The following KAZN variants were observed in gnomAD, a reference collection of about 807,000 sequenced individuals.
KAZN encodes the protein kazrin, periplakin interacting protein.
In KAZN, 40 loss-of-function variants were observed where a neutral mutation model predicts 87.4. The observed-to-expected ratio is 0.46, with a 90% CI of 0.36 to 0.60. The LOEUF (loss-of-function observed/expected upper bound fraction) is 0.60. KAZN is among the 20% of genes least tolerant of loss of function. The pLI is 0.00. For synonymous variants in KAZN, 466 were observed against 458.3 expected, an observed-to-expected ratio of 1.02 and a Z score of -0.22; for missense variants, 898 against 1,073.9, an observed-to-expected ratio of 0.84 and a Z score of 2.29.
At chr1:14,848,118 A>T (rs1572639229) in intron 1 of KAZN, among the ~76,000 whole-genome samples, 1 of 152,210 alleles carries the variant, frequency 6.6e-6, no homozygotes, top group South Asian at 2.1e-4. Context: ...CCCACCTTGG[A>T]TGTGTTCCTT....
intron 2 of KAZN, among the ~76,000 whole-genome samples, chr1:14,291,958 T>A (rs1248421436): frequency 6.6e-6 from 1 of 152,226 alleles, no homozygotes; most frequent in East Asian, 1.9e-4. Context: ...TCCTCAGTCA[T>A]GCAAAACTGT....
intron 2 of KAZN, among the ~76,000 whole-genome samples, chr1:14,505,809 A>G (rs1670554453): frequency 6.6e-6 from 1 of 151,962 alleles, no homozygotes; most frequent in South Asian, 2.1e-4. Flanking sequence ...CCCTGTCTCT[A>G]CTAAAATACA....
intron 1 of KAZN, among the ~76,000 whole-genome samples, chr1:13,901,239 A>ATCAACGT (rs1639239027): frequency 6.6e-6 from 1 of 152,204 alleles, no homozygotes; most frequent in Admixed American, 6.5e-5. Context: ...AATTAACAGT[A>ATCAACGT]TCAACGTTCA....
At chr1:14,763,303 C>T (rs1644794856) in intron 1 of KAZN, among the ~76,000 whole-genome samples, 1 of 152,232 alleles carries the variant, frequency 6.6e-6, no homozygotes, top group Non-Finnish European at 1.5e-5. Flanking sequence ...CAGATGCTTG[C>T]AAGGAATTCC....
rs147839476 is a variant in KAZN, at chr1:14,514,059, G to C, written c.250-84924G>C. ...TTTTAGGCCGGGCGTGGTGGCTCAC[G>C]TCTGTAATCCCAGCACTTTGGGAGG... On this transcript the variant is annotated intron_variant, in intron 2 of 16. Coordinates refer to the KAZN transcript ENST00000636203. Among the ~76,000 whole-genome samples the C allele has an allele frequency of 5.1e-3, 776 of 151,040 alleles. 9 individuals are homozygous for C. Among genetic ancestry groups the C allele is most frequent in the African/African-American group, 0.018 (738 of 41,056 alleles).
chr1:14,827,622 A>G (rs1646932843), intron 1 of KAZN, among the ~76,000 whole-genome samples: 1 of 152,224 alleles, frequency 6.6e-6, no homozygotes, highest in South Asian at 2.1e-4. Flanking sequence ...GTTGGGAAAG[A>G]GGGAGTGGGT....
At chr1:14,329,610 A>G (rs1656701312) in intron 2 of KAZN, among the ~76,000 whole-genome samples, 2 of 152,150 alleles carry the variant, frequency 1.3e-5, no homozygotes, top group Non-Finnish European at 2.9e-5. Context: ...CACTCCAAAG[A>G]CCATGTTGGT....
Position 15,060,278 on chromosome 1 carries a change from A to T in KAZN, c.1023A>T (p.Arg341=). The change falls in exon 6 of 15, where the codon CGA becomes CGT. Residue 341 remains arginine, a synonymous_variant. Coordinates refer to ENST00000376030, the MANE Select transcript of KAZN (RefSeq NM_201628.3). ...CACCGAGCGACATCAACTCCCCTCG[A>T]CACCGGACACACTCCCTCTGCAACG... ...SSTPSDINSP[R]HRTHSLCNGD... 1 of 1,614,114 alleles carries T rather than the reference A, an allele frequency of 6.2e-7. No homozygotes were observed. Among genetic ancestry groups the T allele is most frequent in the South Asian group, 1.1e-5 (1 of 91,086 alleles).
At chr1:14,028,212 C>T (rs867162373) in intron 1 of KAZN, among the ~76,000 whole-genome samples, 10 of 134,692 alleles carry the variant, frequency 7.4e-5, no homozygotes, top group African/African-American at 2.8e-4. Context: ...TGGGAAACTA[C>T]GTAGGTGAGT....
intron 2 of KAZN, among the ~76,000 whole-genome samples, chr1:14,551,719 C>A (rs181018300): frequency 6.6e-6 from 1 of 152,262 alleles, no homozygotes; most frequent in East Asian, 1.9e-4. Context: ...CTAAGCCTCC[C>A]AACCTGGTCC....
At chr1:14,005,044 T>A (rs967583611) in intron 1 of KAZN, among the ~76,000 whole-genome samples, 3 of 152,172 alleles carry the variant, frequency 2.0e-5, no homozygotes, top group Non-Finnish European at 4.4e-5. Flanking sequence ...CCAGCCTCCA[T>A]AACTGCAAGA....
chr1:13,962,027 T>G (rs569680268), intron 1 of KAZN, among the ~76,000 whole-genome samples: 1 of 152,334 alleles, frequency 6.6e-6, no homozygotes, highest in African/African-American at 2.4e-5. Context: ...CACCTCAGCA[T>G]AGATCCTAGG....
At chr1:14,362,310 G>C (rs1432117126) in intron 2 of KAZN, among the ~76,000 whole-genome samples, 2 of 152,210 alleles carry the variant, frequency 1.3e-5, no homozygotes, top group Non-Finnish European at 2.9e-5. Flanking sequence ...CTGTTGACGA[G>C]AGTCTGTCCT....
At chr1:14,827,023 C>T (rs144428732) in intron 1 of KAZN, among the ~76,000 whole-genome samples, 9 of 152,286 alleles carry the variant, frequency 5.9e-5, no homozygotes, top group Non-Finnish European at 8.8e-5. Context: ...GCCGTGAGGG[C>T]GGAATCAGAT....
intron 1 of KAZN, among the ~76,000 whole-genome samples, chr1:13,982,692 C>T (rs1010126528): frequency 1.3e-5 from 2 of 152,142 alleles, no homozygotes; most frequent in South Asian, 2.1e-4. Context: ...CACAAAGGTT[C>T]TCCACCTCCC....
chr1:14,494,060 A>T lies in KAZN; in HGVS notation c.250-104923A>T, dbSNP rs182268682. Among the ~76,000 whole-genome samples, 33 of 152,152 alleles carry T rather than the reference A, an allele frequency of 2.2e-4. No homozygotes were observed. The East Asian group carries it at 5.8e-3, about 27-fold the overall frequency. On this transcript the variant is annotated intron_variant, in intron 2 of 16. Transcript: ENST00000636203. ...TTTCTTCTGGTTCCTAGAGTAAATC[A>T]TTTTCAGAAGCACGTATTTCCCCTG...
chr1:13,989,217 T>C (rs971248486), intron 1 of KAZN, among the ~76,000 whole-genome samples: 1 of 152,122 alleles, frequency 6.6e-6, no homozygotes, highest in African/African-American at 2.4e-5. Flanking sequence ...CCAATACTAT[T>C]GCATGGGGAT....
intron 1 of KAZN, among the ~76,000 whole-genome samples, chr1:13,946,361 T>G (rs1233327022): frequency 6.6e-6 from 1 of 152,196 alleles, no homozygotes; most frequent in African/African-American, 2.4e-5. Flanking sequence ...AAACGGGATT[T>G]TCCTCTTATT....
chr1:14,045,018 G>A (rs750326123), intron 1 of KAZN, among the ~76,000 whole-genome samples: 17 of 152,140 alleles, frequency 1.1e-4, no homozygotes, highest in African/African-American at 2.9e-4. Context: ...CAGGGAGGTC[G>A]TAGAGGATGA....
Sources: allele counts gnomAD v4.1 joint callset (sites outside exome capture counted in the v4.1 genomes callset), GRCh38; gene constraint gnomAD v4.1.1; transcripts MANE v1.5; gene names NCBI Gene and HGNC (gene_info 2026-07-23, HGNC 2026-07-21).